The following ERC2 variants were observed in gnomAD, a reference collection of about 807,000 sequenced individuals.
ERC2 encodes ELKS/RAB6-interacting/CAST family member 2.
Under a neutral mutation model 114.8 loss-of-function variants are expected in ERC2, and 42 were observed. The ratio of observed to expected loss-of-function variants is 0.37; its 90% CI spans 0.29 to 0.47. The LOEUF is 0.47. ERC2 is among the 20% of genes least tolerant of loss of function. The pLI, the probability that ERC2 is intolerant of heterozygous loss-of-function variation, is 0.99. For missense variants in ERC2, 939 were observed against 1,150.7 expected, an observed-to-expected ratio of 0.82 and a Z score of 2.66; for synonymous variants, 454 against 425.5, an observed-to-expected ratio of 1.07 and a Z score of -0.82.
chr3:55,795,413 G>A lies in ERC2; in HGVS notation c.2565-60495C>T, dbSNP rs190354935. On this transcript the variant is annotated intron_variant, in intron 14 of 17. Coordinates refer to ENST00000288221, the MANE Select transcript of ERC2 (RefSeq NM_015576.3). ...CCTTCCTACTTACTTTCCCTTCACC[G>A]TCATAAGAACACTGGGATCCTGCTG... Among the ~76,000 whole-genome samples, 221 of 152,188 alleles carry A rather than the reference G, an allele frequency of 1.5e-3. 1 individual carries two copies. Among genetic ancestry groups the A allele is most frequent in the African/African-American group, 4.0e-3 (167 of 41,508 alleles).
At chr3:56,461,033 C>T (rs1190495117) in intron 1 of ERC2, among the ~76,000 whole-genome samples, 6 of 144,530 alleles carry the variant, frequency 4.2e-5, no homozygotes, top group African/African-American at 1.3e-4. Flanking sequence ...GTGAGGTGCA[C>T]TATACAATAT....
intron 2 of ERC2, among the ~76,000 whole-genome samples, chr3:56,329,556 GC>G (rs760106612): frequency 3.9e-4 from 60 of 152,126 alleles, no homozygotes; most frequent in Non-Finnish European, 7.1e-4. Context: ...GAGCCTACCT[GC>G]CTGGAGGAAG....
chr3:56,122,927 C>T (rs772295649), intron 6 of ERC2, among the ~76,000 whole-genome samples: 29 of 152,162 alleles, frequency 1.9e-4, no homozygotes, highest in Non-Finnish European at 2.6e-4. Context: ...AATTTCTCTG[C>T]TACTTTATGG....
chr3:55,823,516 C>T (rs1333929651), intron 14 of ERC2, among the ~76,000 whole-genome samples: 3 of 151,982 alleles, frequency 2.0e-5, no homozygotes, highest in Admixed American at 2.0e-4. Context: ...GTGCATGCCC[C>T]TCCTCCTCCT....
At chr3:55,828,837 C>T (rs939695179) in intron 14 of ERC2, among the ~76,000 whole-genome samples, 1 of 152,068 alleles carries the variant, frequency 6.6e-6, no homozygotes, top group Non-Finnish European at 1.5e-5. Context: ...GTCTAAACTA[C>T]ACAATGTTCA....
intron 7 of ERC2, among the ~76,000 whole-genome samples, chr3:56,051,823 TCAAACA>T (rs757586104): frequency 5.5e-5 from 6 of 110,058 alleles, no homozygotes; most frequent in Non-Finnish European, 9.1e-5. Flanking sequence ...AGACTCCATC[TCAAACA>T]CACACACACA....
intron 17 of ERC2, among the ~76,000 whole-genome samples, chr3:55,573,895 A>C (rs895017017): frequency 1.3e-5 from 2 of 152,126 alleles, no homozygotes; most frequent in African/African-American, 4.8e-5. Context: ...CATAGCTTTT[A>C]TTTGATGAGG....
At chr3:55,676,209 C>T (rs1313147461) in intron 17 of ERC2, among the ~76,000 whole-genome samples, 1 of 151,682 alleles carries the variant, frequency 6.6e-6, no homozygotes, top group Non-Finnish European at 1.5e-5. Context: ...AGGTGTGAGC[C>T]AGCGTGCACA....
chr3:55,980,538 G>C (rs1409241387), intron 12 of ERC2, among the ~76,000 whole-genome samples: 1 of 152,076 alleles, frequency 6.6e-6, no homozygotes, highest in African/African-American at 2.4e-5. Context: ...CATAAGAAAA[G>C]CCATATAAAG....
intron 13 of ERC2, among the ~76,000 whole-genome samples, chr3:55,942,224 G>T (rs544653391): frequency 2.1e-4 from 30 of 142,106 alleles, no homozygotes; most frequent in Non-Finnish European, 3.0e-4. Context: ...TCCTTCATCG[G>T]CAAAACAAGG....
intron 6 of ERC2, among the ~76,000 whole-genome samples, chr3:56,081,189 A>G (rs2077211916): frequency 1.1e-5 from 1 of 93,022 alleles, no homozygotes; most frequent in Non-Finnish European, 2.8e-5. Flanking sequence ...CAATAGTGAT[A>G]CTTTAAAAAA....
chr3:55,582,447 C>G (rs946482675), intron 17 of ERC2, among the ~76,000 whole-genome samples: 3 of 152,204 alleles, frequency 2.0e-5, no homozygotes, highest in African/African-American at 7.2e-5. Context: ...AGTGGTCTAC[C>G]ACACTCTGCA....
chr3:55,574,285 C>A (rs998255480), intron 17 of ERC2, among the ~76,000 whole-genome samples: 3 of 152,140 alleles, frequency 2.0e-5, no homozygotes, highest in Non-Finnish European at 4.4e-5. Flanking sequence ...CCATACCATT[C>A]GGTGGTTGCT....
intron 6 of ERC2, among the ~76,000 whole-genome samples, chr3:56,084,943 A>C (rs760902517): frequency 2.6e-5 from 4 of 151,954 alleles, no homozygotes; most frequent in Non-Finnish European, 5.9e-5. Flanking sequence ...TAGGAACAAT[A>C]GAAAGAGGAC....
intron 2 of ERC2, among the ~76,000 whole-genome samples, chr3:56,318,958 T>A (rs2056998397): frequency 8.9e-6 from 1 of 112,912 alleles, no homozygotes. Context: ...TAAGACCCTG[T>A]CTCAAAAAAA....
intron 4 of ERC2, among the ~76,000 whole-genome samples, chr3:56,167,373 G>A (rs1204349267): frequency 6.6e-6 from 1 of 152,010 alleles, no homozygotes; most frequent in Non-Finnish European, 1.5e-5. Context: ...AAACTAACCT[G>A]GGTAATAGCA....
chr3:55,977,651 C>A (rs1203680227), intron 12 of ERC2, among the ~76,000 whole-genome samples: 3 of 152,180 alleles, frequency 2.0e-5, no homozygotes, highest in Non-Finnish European at 2.9e-5. Flanking sequence ...ATGGTTTAGC[C>A]TCTGTAGAGG....
At chr3:56,177,331 C>G (rs993342709) in intron 3 of ERC2, among the ~76,000 whole-genome samples, 4 of 152,176 alleles carry the variant, frequency 2.6e-5, no homozygotes, top group African/African-American at 9.7e-5. Flanking sequence ...CTGCCCCTAA[C>G]CATCTGAGCG....
At chr3:55,880,507 T>G (rs2149303715) in intron 14 of ERC2, among the ~76,000 whole-genome samples, 1 of 152,308 alleles carries the variant, frequency 6.6e-6, no homozygotes, top group Non-Finnish European at 1.5e-5. Flanking sequence ...TGCCTGCAGC[T>G]AAAACCAAAA....
Sources: allele counts gnomAD v4.1 joint callset (sites outside exome capture counted in the v4.1 genomes callset), GRCh38; gene constraint gnomAD v4.1.1; transcripts MANE v1.5; gene names NCBI Gene and HGNC (gene_info 2026-07-23, HGNC 2026-07-21).